GAK: variants seen among roughly 807,000 people sequenced by gnomAD.
GAK encodes the protein cyclin G associated kinase.
Under a neutral mutation model 143.9 loss-of-function variants are expected in GAK, and 79 were observed. The ratio of observed to expected loss-of-function variants is 0.55; its 90% CI spans 0.46 to 0.66. The LOEUF (loss-of-function observed/expected upper bound fraction) is 0.66, where lower values mean the gene tolerates loss of function less well. Among genes scored for constraint, GAK ranks in the 30% least tolerant of loss-of-function variants. The pLI is 0.00. For missense variants in GAK, 1,693 were observed against 1,779.7 expected (o/e 0.95, Z 0.88); for synonymous variants, 881 against 765.5 (o/e 1.15, Z -2.49).
intron 23 of GAK, among the ~76,000 whole-genome samples, chr4:862,998 C>T (rs950672786): frequency 1.3e-5 from 2 of 152,214 alleles, no homozygotes; most frequent in Admixed American, 1.3e-4. Flanking sequence ...AAGGCTATAG[C>T]GGCCAGATTC....
intron 9 of GAK, among the ~76,000 whole-genome samples, chr4:892,468 C>T (rs1455228167): frequency 6.6e-6 from 1 of 152,210 alleles, no homozygotes; most frequent in African/African-American, 2.4e-5. Context: ...GCACCCTGTC[C>T]ACGGCTGGGT....
Position 896,499 on chromosome 4 carries a change from C to T in GAK, c.702G>A (p.Leu234=), listed in dbSNP as rs144477169. The part of the protein sequence containing the change: ...PMYRTPEIID[L]YSNFPIGEKQ... Reference sequence around the variant, plus strand: ...TCTCGCCGATCGGGAAGTTGGAATACAAGTCTATGATTTCTGGTGTTCTAT... The same window carrying T: ...TCTCGCCGATCGGGAAGTTGGAATATAAGTCTATGATTTCTGGTGTTCTAT... The change falls in exon 7 of 28, where the codon TTG becomes TTA. Residue 234 remains leucine (L), a synonymous_variant. Transcript: ENST00000314167. 34 of 1,614,116 alleles carry T rather than the reference C, an allele frequency of 2.1e-5. 1 individual carries two copies. In the East Asian group the frequency reaches 5.1e-4, roughly 24 times the overall value.
intron 23 of GAK, among the ~76,000 whole-genome samples, chr4:862,346 A>G (rs1577064196): frequency 1.3e-5 from 2 of 151,658 alleles, no homozygotes; most frequent in Admixed American, 6.6e-5. Context: ...ATGCAGATAT[A>G]AGACGGCCTA....
chr4:891,020 C>T lies in GAK; in HGVS notation c.991-398G>A, dbSNP rs181885307. Among the ~76,000 whole-genome samples, 414 of 151,396 alleles carry T rather than the reference C, an allele frequency of 2.7e-3. 4 individuals carry two copies. Among genetic ancestry groups the T allele is most frequent in the Admixed American group, 0.016 (242 of 15,246 alleles). On this transcript the variant is annotated intron_variant, in intron 9 of 27. Transcript: ENST00000314167. ...GCTGCAGTGCTGGAGGGCTGTGGCA[C>T]GATCTCAGCTCACCGCAACCTCCGC...
intron 3 of GAK, 112 bp from the exon 4 acceptor site, chr4:911,899 C>T (rs1722107654): frequency 1.2e-6 from 1 of 828,042 alleles, no homozygotes; most frequent in African/African-American, 1.7e-5. Context: ...TTGAATCGAA[C>T]CCTTACAATT....
chr4:925,516 A>G (rs1435360777), intron 1 of GAK, among the ~76,000 whole-genome samples: 1 of 152,226 alleles, frequency 6.6e-6, no homozygotes, highest in Non-Finnish European at 1.5e-5. Flanking sequence ...AACGTAAAAT[A>G]CCACATACCA....
intron 5 of GAK, among the ~76,000 whole-genome samples, chr4:901,715 G>A (rs1320883955): frequency 2.6e-5 from 4 of 152,356 alleles, no homozygotes; most frequent in Admixed American, 1.3e-4. Context: ...GAGACGCCAC[G>A]GGGCTGGGGC....
chr4:914,611 G>A (rs1304157812), intron 1 of GAK, among the ~76,000 whole-genome samples: 7 of 77,248 alleles, frequency 9.1e-5, no homozygotes, highest in South Asian at 5.0e-4. Context: ...CATAGCCCCA[G>A]CGTACACGGC....
At chr4:864,930 G>A (rs1010630656) in intron 23 of GAK, among the ~76,000 whole-genome samples, 192 bp downstream of exon 23, 1 of 152,232 alleles carries the variant, frequency 6.6e-6, no homozygotes, top group Non-Finnish European at 1.5e-5. Context: ...ACGTACCCCA[G>A]GCACACCGGG....
At chr4:902,596 CAAAA>C (rs768017849) in intron 5 of GAK, among the ~76,000 whole-genome samples, 4 of 60,730 alleles carry the variant, frequency 6.6e-5, no homozygotes, top group African/African-American at 3.3e-4. Context: ...GTGACTGACT[CAAAA>C]AAAAAAAAAA....
At chr4:910,053 C>T (rs966804974) in intron 4 of GAK, among the ~76,000 whole-genome samples, 1 of 152,124 alleles carries the variant, frequency 6.6e-6, no homozygotes, top group Non-Finnish European at 1.5e-5. Flanking sequence ...CCAGGTGTGG[C>T]ATCAAGGAAG....
chr4:893,737 G>C, intron 8 of GAK, 137 bp downstream of exon 8: 1 of 1,089,244 alleles, frequency 9.2e-7, no homozygotes. Context: ...CCCCCCCCCA[G>C]GGATGTTGTC....
chr4:873,779 A>G (rs1021077443), intron 18 of GAK, among the ~76,000 whole-genome samples: 1 of 152,186 alleles, frequency 6.6e-6, no homozygotes, highest in African/African-American at 2.4e-5. Context: ...CTTCGTGTGC[A>G]AGGGTTTTGA....
intron 23 of GAK, among the ~76,000 whole-genome samples, chr4:860,143 C>T (rs574990195): frequency 6.6e-6 from 1 of 152,130 alleles, no homozygotes; most frequent in East Asian, 1.9e-4. Context: ...ATAAAAAAAT[C>T]ATCCAGGCAC....
Position 849,769 on chromosome 4 carries a change from C to T in GAK, c.3840G>A (p.Ala1280=), listed in dbSNP as rs773959957. The part of the protein sequence containing the change: ...AVLAVHPDKA[A]GQPYEQHAKM... ...TGGCGTGCTGCTCGTACGGCTGCCC[C>T]GCAGCCTATGGGTGACAGGCGGTGT... is the stretch of plus-strand genomic sequence containing the variant. The change falls in exon 28 of 28, where the codon GCG becomes GCA. Residue 1280 remains alanine (A), a synonymous_variant. Coordinates refer to ENST00000314167, the MANE Select transcript of GAK (RefSeq NM_005255.4). The T allele has an allele frequency of 1.6e-5, 26 of 1,611,808 alleles. No individual in the cohort carries two copies. The highest frequency in any genetic ancestry group is 1.6e-4 in the Middle Eastern group (1 of 6,080).
rs62297081 is a variant in GAK at position 887,246 on chromosome 4, A to T, written c.1205+1601T>A. Reference sequence around the variant, plus strand: ...GCGGCTCACGCGCACTCACGTGTACACATGCACGCGGCTCACGCGCACTCA... The same window carrying T: ...GCGGCTCACGCGCACTCACGTGTACTCATGCACGCGGCTCACGCGCACTCA... On this transcript the variant is annotated intron_variant, in intron 11 of 27. Transcript: ENST00000314167. 1.2e-3 allele frequency: 108 copies of T among 93,344 alleles called. 3 individuals are homozygous for T. The highest frequency in any genetic ancestry group is 4.6e-3 in the African/African-American group (101 of 22,124). The allele number at this position is 93,344 out of a possible 1,614,324, so 5.8% of individuals were successfully genotyped here. A position where few individuals can be genotyped will look rare whatever the true frequency, so the allele number is the denominator to read the frequency against.
chr4:856,375 CCA>C (rs1221127961), intron 24 of GAK, among the ~76,000 whole-genome samples: 1 of 87,236 alleles, frequency 1.1e-5, no homozygotes, highest in Non-Finnish European at 2.6e-5. Flanking sequence ...CAGCTGCTCA[CCA>C]CAGCTGCTCA....
At chr4:851,132 C>A in intron 25 of GAK, 48 bp from the exon 26 acceptor site, 1 of 1,552,842 alleles carries the variant, frequency 6.4e-7, no homozygotes, top group Non-Finnish European at 8.8e-7. Flanking sequence ...GGTCTCCACT[C>A]TGTCACCCAG....
At chr4:893,324 T>G in intron 9 of GAK, 53 bp downstream of exon 9, 1 of 1,302,472 alleles carries the variant, frequency 7.7e-7, no homozygotes, top group Non-Finnish European at 1.0e-6. Context: ...GGGGCTCATG[T>G]GTGCCTCCTT....
Sources: allele counts gnomAD v4.1 joint callset (sites outside exome capture counted in the v4.1 genomes callset), GRCh38; gene constraint gnomAD v4.1.1; transcripts MANE v1.5; gene names NCBI Gene and HGNC (gene_info 2026-07-23, HGNC 2026-07-21).